USH2A: variants seen among roughly 807,000 people sequenced by gnomAD.
The protein encoded by USH2A is Usher syndrome 2A (autosomal recessive, mild).
USH2A carries 443 observed loss-of-function variants against 538.9 expected under a neutral mutation model. The ratio of observed to expected loss-of-function variants is 0.82; its 90% CI spans 0.76 to 0.89. The LOEUF is 0.89. USH2A is among the 40% of genes least tolerant of loss of function. The probability of loss-of-function intolerance (pLI) is 0.00; values close to 1 mark genes in which losing one functional copy is unlikely to be tolerated. For missense variants in USH2A, 6,633 were observed against 6,324.8 expected (o/e 1.05, Z -1.65); for synonymous variants, 2,413 against 2,273.5 (o/e 1.06, Z -1.75).
intron 47 of USH2A, among the ~76,000 whole-genome samples, chr1:215,826,581 G>A (rs1663162895): frequency 6.6e-6 from 1 of 151,830 alleles, no homozygotes; most frequent in Non-Finnish European, 1.5e-5. Flanking sequence ...TGATGGTGAT[G>A]GAATGGACTT....
chr1:216,028,932 TA>T (rs1257752335), intron 32 of USH2A, among the ~76,000 whole-genome samples: 1 of 152,066 alleles, frequency 6.6e-6, no homozygotes, highest in Non-Finnish European at 1.5e-5. Context: ...GCTTTAATAA[TA>T]AAAAAACAGA....
At chr1:216,246,032 C>T (rs1030790362) in intron 13 of USH2A, among the ~76,000 whole-genome samples, 2 of 152,086 alleles carry the variant, frequency 1.3e-5, no homozygotes, top group Non-Finnish European at 2.9e-5. Flanking sequence ...TATCCCTCTC[C>T]CAATTGGGAA....
chr1:215,822,513 G>C (rs1315853300), intron 47 of USH2A, among the ~76,000 whole-genome samples: 1 of 151,872 alleles, frequency 6.6e-6, no homozygotes, highest in Non-Finnish European at 1.5e-5. Flanking sequence ...AGTTCTAACA[G>C]GTTTTTTGGT....
chr1:215,658,083 C>T (rs774545034), intron 64 of USH2A, among the ~76,000 whole-genome samples: 114 of 151,852 alleles, frequency 7.5e-4, no homozygotes, highest in Admixed American at 1.7e-3. Flanking sequence ...TACAGGCGCA[C>T]GCCACCCCGC....
intron 30 of USH2A, 29 bp downstream of exon 30, chr1:216,070,072 G>A (rs1416669369): frequency 6.2e-7 from 1 of 1,611,048 alleles, no homozygotes; most frequent in Non-Finnish European, 8.5e-7. Context: ...AAGTTAATAG[G>A]GTCTACTCTG....
intron 48 of USH2A, among the ~76,000 whole-genome samples, chr1:215,814,375 T>C (rs937057539): frequency 2.3e-4 from 34 of 149,372 alleles, no homozygotes; most frequent in Non-Finnish European, 2.1e-4. Context: ...TAATAATGCC[T>C]TAAACAAAGT....
At chr1:216,287,450 A>G (rs549582170) in intron 11 of USH2A, among the ~76,000 whole-genome samples, 1 of 152,216 alleles carries the variant, frequency 6.6e-6, no homozygotes, top group East Asian at 1.9e-4. Context: ...GCACTGGCTC[A>G]TAAGAGCAGA....
chr1:215,627,382 TTCTTTCC>T (rs1161701917), intron 71 of USH2A, among the ~76,000 whole-genome samples: 1 of 122,972 alleles, frequency 8.1e-6, no homozygotes, highest in Non-Finnish European at 1.7e-5. Flanking sequence ...CCTCCCTTCC[TTCTTTCC>T]TTCCTTCCTT....
At chr1:215,822,812 C>G (rs1663048468) in intron 47 of USH2A, among the ~76,000 whole-genome samples, 1 of 151,826 alleles carries the variant, frequency 6.6e-6, no homozygotes. Context: ...TCTTGAGGGA[C>G]TTTATAATAA....
chr1:216,189,734 T>C (rs1406687447), intron 20 of USH2A, among the ~76,000 whole-genome samples: 1 of 151,910 alleles, frequency 6.6e-6, no homozygotes, highest in African/African-American at 2.4e-5. Context: ...TTTCTAGATG[T>C]TCCCATGGAT....
At position 216,120,490 on chromosome 1, in the gene USH2A, C is replaced by T. The variant is rs375470260; in HGVS notation, c.4628-23277G>A. On this transcript the variant is annotated intron_variant, in intron 21 of 71. Transcript: ENST00000307340. ...CGCCTCCCGGGTTCACGCCATTCTC[C>T]TGCCTCAGCCTCCCGAGTAGCTGGG... Among the ~76,000 whole-genome samples the T allele has an allele frequency of 1.2e-4, 18 of 151,808 alleles. No homozygotes were observed. In the East Asian group the frequency reaches 3.6e-3, roughly 31 times the overall value.
In USH2A at chr1:215,647,629, C is replaced by A; in HGVS notation, c.14684G>T (p.Ser4895Ile). The A allele has an allele frequency of 6.2e-7, 1 of 1,614,172 alleles. No individual in the cohort carries two copies. Among genetic ancestry groups the A allele is most frequent in the Non-Finnish European group, 8.5e-7 (1 of 1,180,046 alleles). The change falls in exon 67 of 72, where the codon AGC becomes ATC. Residue 4895 changes from serine (S) to isoleucine (I), a missense_variant. Coordinates refer to ENST00000307340, the MANE Select transcript of USH2A (RefSeq NM_206933.4). ...TKYTGLGQKA[S>I]LGGLQPYTTY... Reference sequence around the variant, plus strand: ...GGTGTAGGGCTGGAGACCCCCAAGGCTGGCTTTCTGCCCCAGCCCCGTGTA... The same window carrying A: ...GGTGTAGGGCTGGAGACCCCCAAGGATGGCTTTCTGCCCCAGCCCCGTGTA...
At chr1:215,827,612 G>T (rs946932152) in intron 47 of USH2A, among the ~76,000 whole-genome samples, 21 of 152,198 alleles carry the variant, frequency 1.4e-4, no homozygotes, top group Admixed American at 9.8e-4. Context: ...TTTCCTAAAA[G>T]CCATGGTGAC....
chr1:215,670,083 C>T (rs548740787), intron 64 of USH2A, among the ~76,000 whole-genome samples: 80 of 152,260 alleles, frequency 5.3e-4, no homozygotes, highest in African/African-American at 1.6e-3. Context: ...ATTAAAAGAA[C>T]GGTTGAAGAA....
chr1:216,267,976 T>G (rs1017172996), intron 11 of USH2A, among the ~76,000 whole-genome samples: 1 of 152,118 alleles, frequency 6.6e-6, no homozygotes, highest in African/African-American at 2.4e-5. Context: ...TTTTGAACAC[T>G]TACGATATTG....
chr1:215,727,886 G>T, intron 61 of USH2A, 144 bp downstream of exon 61: 1 of 957,082 alleles, frequency 1.0e-6, no homozygotes, highest in Non-Finnish European at 1.6e-6. Flanking sequence ...TTATCCCCGT[G>T]ACTACATTGC....
At chr1:215,947,782 T>A (rs1025315966) in intron 37 of USH2A, among the ~76,000 whole-genome samples, 7 of 152,282 alleles carry the variant, frequency 4.6e-5, no homozygotes, top group African/African-American at 1.7e-4. Context: ...AAAAAGCTTT[T>A]AAAAAAATTA....
intron 11 of USH2A, among the ~76,000 whole-genome samples, chr1:216,275,937 C>A (rs895890676): frequency 1.3e-5 from 2 of 151,906 alleles, no homozygotes; most frequent in African/African-American, 4.8e-5. Flanking sequence ...AAGTAAATAC[C>A]CAGTTTAGCA....
intron 11 of USH2A, among the ~76,000 whole-genome samples, chr1:216,257,642 C>T (rs970317748): frequency 1.3e-5 from 2 of 151,810 alleles, no homozygotes; most frequent in African/African-American, 2.4e-5. Context: ...TATATTCCCA[C>T]CTCCACCCCA....
Sources: gnomAD v4.1 joint callset for allele counts (sites outside exome capture counted in the v4.1 genomes callset) on GRCh38, gnomAD v4.1.1 for gene constraint, MANE v1.5 for transcripts, NCBI Gene and HGNC (gene_info 2026-07-23, HGNC 2026-07-21) for gene names.